ARB2A: variants seen among roughly 807,000 people sequenced by gnomAD.
ARB2A encodes the protein cotranscriptional regulator ARB2A.
chr5:93,633,837 G>A, the ARB2A span, among the ~76,000 whole-genome samples: 1 of 152,020 alleles, frequency 6.6e-6, no homozygotes, highest in East Asian at 1.9e-4. Flanking sequence ...ACAAGGTATT[G>A]GTCTGTCACC....
the ARB2A span, among the ~76,000 whole-genome samples, chr5:93,995,958 T>TG: frequency 6.6e-6 from 1 of 152,140 alleles, no homozygotes; most frequent in Non-Finnish European, 1.5e-5. Context: ...TCACAAAATA[T>TG]GGCCCTTCTT....
At chr5:93,649,120 G>A in the ARB2A span, among the ~76,000 whole-genome samples, 1 of 151,934 alleles carries the variant, frequency 6.6e-6, no homozygotes. Context: ...ATTTTTTTCT[G>A]ACACATAAAC....
chr5:93,623,402 T>A, the ARB2A span, among the ~76,000 whole-genome samples: 6 of 152,198 alleles, frequency 3.9e-5, no homozygotes, highest in African/African-American at 1.4e-4. Flanking sequence ...TCTCAGGGAA[T>A]TCCCCTCATA....
chr5:93,682,964 G>C, the ARB2A span: 1 of 1,580,260 alleles, frequency 6.3e-7, no homozygotes, highest in Non-Finnish European at 8.6e-7. Flanking sequence ...TTCTATACTT[G>C]CTTGCATTTT....
At chr5:94,034,652 A>C in the ARB2A span, among the ~76,000 whole-genome samples, 1 of 152,248 alleles carries the variant, frequency 6.6e-6, no homozygotes, top group Non-Finnish European at 1.5e-5. Flanking sequence ...AACTTTGCCC[A>C]AAAGAAGCAC....
the ARB2A span, among the ~76,000 whole-genome samples, chr5:93,941,709 G>A: frequency 6.6e-6 from 1 of 152,078 alleles, no homozygotes; most frequent in Non-Finnish European, 1.5e-5. Flanking sequence ...ATATCTAATT[G>A]TTTTAAAATT....
the ARB2A span, among the ~76,000 whole-genome samples, chr5:93,706,246 C>T: frequency 2.6e-5 from 4 of 152,142 alleles, no homozygotes; most frequent in Non-Finnish European, 5.9e-5. Flanking sequence ...CATACTACAA[C>T]ATGGTTCAGT....
At chr5:93,982,793 G>A in the ARB2A span, among the ~76,000 whole-genome samples, 5 of 152,334 alleles carry the variant, frequency 3.3e-5, no homozygotes, top group South Asian at 1.0e-3. Flanking sequence ...AGTGGCTCAT[G>A]CCGGTAATCC....
At chr5:93,854,129 T>C in the ARB2A span, among the ~76,000 whole-genome samples, 1 of 152,226 alleles carries the variant, frequency 6.6e-6, no homozygotes, top group East Asian at 1.9e-4. Context: ...TTGCCACAAT[T>C]TCAGAGCCTG....
At chr5:93,847,890 C>A in the ARB2A span, among the ~76,000 whole-genome samples, 33 of 152,278 alleles carry the variant, frequency 2.2e-4, no homozygotes, top group Admixed American at 1.4e-3. Flanking sequence ...CTAACTCACC[C>A]TTCGATTTTT....
At chr5:93,958,149 A>G in the ARB2A span, among the ~76,000 whole-genome samples, 1 of 152,068 alleles carries the variant, frequency 6.6e-6, no homozygotes, top group African/African-American at 2.4e-5. Context: ...ACAATTTAAA[A>G]ATAGGAGTTT....
the ARB2A span, among the ~76,000 whole-genome samples, chr5:93,762,427 G>A: frequency 0.014 from 2,103 of 152,286 alleles, 56 homozygotes; most frequent in African/African-American, 0.047. Flanking sequence ...TAGTCAATTC[G>A]ATCAACTGGA....
At chr5:93,917,865 C>A in the ARB2A span, among the ~76,000 whole-genome samples, 1 of 152,120 alleles carries the variant, frequency 6.6e-6, no homozygotes, top group Non-Finnish European at 1.5e-5. Flanking sequence ...ATAACAGAGT[C>A]AAACCCTGTC....
chr5:93,699,260 G>A, the ARB2A span, among the ~76,000 whole-genome samples: 3 of 152,164 alleles, frequency 2.0e-5, no homozygotes, highest in Admixed American at 6.6e-5. Flanking sequence ...GCATGCATGT[G>A]TGATAATTTG....
chr5:93,805,807 A>G, the ARB2A span: 3 of 985,034 alleles, frequency 3.0e-6, no homozygotes, highest in East Asian at 2.3e-4. Context: ...ACGGTTTTCA[A>G]TGGATCTCCT....
At chr5:93,697,299 G>C in the ARB2A span, among the ~76,000 whole-genome samples, 1 of 151,410 alleles carries the variant, frequency 6.6e-6, no homozygotes, top group Admixed American at 6.6e-5. Context: ...TCCCCTTTAT[G>C]AATGCTTGGG....
chr5:93,879,312 C>T, the ARB2A span, among the ~76,000 whole-genome samples: 3 of 151,878 alleles, frequency 2.0e-5, no homozygotes, highest in Non-Finnish European at 4.4e-5. Context: ...TGCAAAATTC[C>T]AGAAGATTTT....
At chr5:94,035,997 TA>T in the ARB2A span, among the ~76,000 whole-genome samples, 7 of 151,896 alleles carry the variant, frequency 4.6e-5, no homozygotes, top group African/African-American at 1.7e-4. Flanking sequence ...TCCCAGAACT[TA>T]AAGTATTAAA....
the ARB2A span, among the ~76,000 whole-genome samples, chr5:94,002,271 C>T: frequency 1.3e-5 from 2 of 152,050 alleles, no homozygotes; most frequent in African/African-American, 4.8e-5. Context: ...CTTTTCTCCT[C>T]CCCCTCCTAA....
Sources: allele counts gnomAD v4.1 joint callset (sites outside exome capture counted in the v4.1 genomes callset), GRCh38; gene constraint gnomAD v4.1.1; transcripts MANE v1.5; gene names NCBI Gene and HGNC (gene_info 2026-07-23, HGNC 2026-07-21).